APPL2: variants seen among roughly 807,000 people sequenced by gnomAD.
The protein encoded by APPL2 is DCC-interacting protein 13-beta.
APPL2 carries 84 observed loss-of-function variants against 92.7 expected under a neutral mutation model. The observed-to-expected ratio is 0.91, with a 90% CI of 0.76 to 1.09. The LOEUF (loss-of-function observed/expected upper bound fraction) is 1.09. APPL2 is among the 50% of genes least tolerant of loss of function. The pLI is 0.00. For missense variants in APPL2, 736 were observed against 824.5 expected (o/e 0.89, Z 1.31); for synonymous variants, 291 against 291.0 (o/e 1.00, Z 0.00).
At chr12:105,225,689 G>C (rs569548904) in intron 2 of APPL2, among the ~76,000 whole-genome samples, 3 of 152,180 alleles carry the variant, frequency 2.0e-5, no homozygotes, top group African/African-American at 2.4e-5. Flanking sequence ...ATTGCCAGAC[G>C]TGACTCCAGG....
At chr12:105,185,972 T>G (rs1374521756) in intron 17 of APPL2, among the ~76,000 whole-genome samples, 1 of 151,920 alleles carries the variant, frequency 6.6e-6, no homozygotes, top group East Asian at 1.9e-4. Flanking sequence ...CTAGTCTGTC[T>G]TCTGTCTCTA....
chr12:105,216,546 G>C (rs1299739789), intron 4 of APPL2, among the ~76,000 whole-genome samples: 1 of 152,092 alleles, frequency 6.6e-6, no homozygotes, highest in Non-Finnish European at 1.5e-5. Context: ...TGTATAAAAA[G>C]AGAAGACACA....
chr12:105,205,384 C>A (rs368753268), intron 8 of APPL2, among the ~76,000 whole-genome samples: 22 of 152,304 alleles, frequency 1.4e-4, no homozygotes, highest in Admixed American at 1.3e-3. Context: ...TGAATAATGA[C>A]GGTGTGCTCT....
intron 20 of APPL2, among the ~76,000 whole-genome samples, chr12:105,174,876 T>TTGGGGG: frequency 1.1e-5 from 1 of 89,022 alleles, no homozygotes; most frequent in Non-Finnish European, 2.3e-5. Flanking sequence ...TTTTTTTTGG[T>TTGGGGG]GGGGGGGGGG....
chr12:105,226,374 G>A (rs1389141769), intron 2 of APPL2, among the ~76,000 whole-genome samples: 1 of 152,224 alleles, frequency 6.6e-6, no homozygotes, highest in Non-Finnish European at 1.5e-5. Flanking sequence ...AGGAAACGCT[G>A]AGGCAGGAGG....
rs1312423629 is a variant in APPL2, at chr12:105,173,440, TG to T, written c.*873del. 1 of 152,620 alleles carries T rather than the reference TG, an allele frequency of 6.6e-6. No homozygotes were observed. Among genetic ancestry groups the T allele is most frequent in the Non-Finnish European group, 1.5e-5 (1 of 68,032 alleles). The allele number at this position is 152,620 out of a possible 1,614,324, so 9.5% of individuals were successfully genotyped here. ...AGGGAGGAGGGATGGGGGAGTGGGC[TG>T]GGGTTCCAGGAATTGGAAGTATCAG... is the stretch of plus-strand genomic sequence containing the variant. On this transcript the variant is annotated 3_prime_UTR_variant, in exon 21 of 21. Coordinates refer to ENST00000258530, the MANE Select transcript of APPL2 (RefSeq NM_018171.5).
rs750036394 is a variant in APPL2 at position 105,176,092 on chromosome 12, A to G, written c.1813-10T>C. ...TAATAGCATAACATATCTGCAAAAG[A>G]CAAGAAAAGTAGTGATTGGCAAAAG... On this transcript the variant is annotated splice_polypyrimidine_tract_variant and intron_variant, in intron 19 of 20. Coordinates refer to ENST00000258530, the MANE Select transcript of APPL2 (RefSeq NM_018171.5). The G allele has an allele frequency of 1.4e-5, 22 of 1,592,700 alleles. 1 individual carries two copies. In the South Asian group the frequency reaches 2.3e-4, roughly 17 times the overall value.
chr12:105,192,005 A>C (rs1887243029), intron 14 of APPL2, among the ~76,000 whole-genome samples: 1 of 152,090 alleles, frequency 6.6e-6, no homozygotes, highest in Non-Finnish European at 1.5e-5. Flanking sequence ...TTTGCACTCC[A>C]GACCTGTATC....
At chr12:105,209,819 G>A (rs1889061356) in intron 5 of APPL2, among the ~76,000 whole-genome samples, 1 of 152,152 alleles carries the variant, frequency 6.6e-6, no homozygotes, top group Non-Finnish European at 1.5e-5. Flanking sequence ...CAAGCAAATG[G>A]AGGCATTACT....
chr12:105,189,991 C>A lies in APPL2; in HGVS notation c.1406G>T (p.Arg469Met). 1 of 1,614,030 alleles carries A rather than the reference C, an allele frequency of 6.2e-7. No individual in the cohort carries two copies. Among genetic ancestry groups the A allele is most frequent in the Non-Finnish European group, 8.5e-7 (1 of 1,179,966 alleles). Residue 469 changes from arginine to methionine, a missense_variant and splice_region_variant, in exon 15 of 21, where the codon AGG (arginine) becomes ATG (methionine). Arg to Met is a moderately conservative substitution (Grantham distance 91, BLOSUM62 -1). Coordinates refer to ENST00000258530, the MANE Select transcript of APPL2 (RefSeq NM_018171.5). ...TEFLDQNRGS[R>M]RTNPFGETED... ...AGAGATAACCTCTCTCAGCCCATAC[C>A]TGCTCCCTCTGTTCTGATCAAGGAA...
rs1301288558 is a variant in APPL2, at chr12:105,173,439, C to A, written c.*875G>T. 1 of 152,586 alleles carries A rather than the reference C, an allele frequency of 6.6e-6. No individual in the cohort carries two copies. Among genetic ancestry groups the A allele is most frequent in the Non-Finnish European group, 1.5e-5 (1 of 68,034 alleles). 9.5% of individuals were successfully genotyped at this position (152,586 alleles called of 1,614,324 possible). ...TAGGGAGGAGGGATGGGGGAGTGGG[C>A]TGGGGTTCCAGGAATTGGAAGTATC... On this transcript the variant is annotated 3_prime_UTR_variant, in exon 21 of 21. Transcript: ENST00000258530.
At chr12:105,215,312 G>A (rs1425920330) in intron 4 of APPL2, among the ~76,000 whole-genome samples, 1 of 152,136 alleles carries the variant, frequency 6.6e-6, no homozygotes, top group African/African-American at 2.4e-5. Flanking sequence ...TTAAATTGTA[G>A]GACAGCCAGT....
Position 105,206,404 on chromosome 12 carries a change from G to A in APPL2, c.621+657C>T, listed in dbSNP as rs1044441094. ...AGACAACGTGAGTGGGGCAAACGCA[G>A]GATGGGGTGGAAAGTGAGGGGGTGG... On this transcript the variant is annotated intron_variant, in intron 8 of 20. Transcript: ENST00000258530. Among the ~76,000 whole-genome samples the A allele has an allele frequency of 2.0e-5, 3 of 152,174 alleles. No individual in the cohort carries two copies. The East Asian group carries it at 5.8e-4, about 29-fold the overall frequency.
chr12:105,186,980 T>G (rs1886790632), intron 17 of APPL2, among the ~76,000 whole-genome samples: 1 of 152,142 alleles, frequency 6.6e-6, no homozygotes, highest in Non-Finnish European at 1.5e-5. Flanking sequence ...TTTTGTGTAC[T>G]ACATCCATAT....
intron 2 of APPL2, among the ~76,000 whole-genome samples, chr12:105,226,806 T>G (rs967433159): frequency 2.0e-5 from 3 of 152,182 alleles, no homozygotes; most frequent in African/African-American, 7.2e-5. Context: ...CTGAATGTCT[T>G]AACAAAACAC....
Position 105,208,143 on chromosome 12 carries a change from G to T in APPL2, c.415+15C>A. On this transcript the variant is annotated intron_variant, in intron 6 of 20. Coordinates refer to ENST00000258530, the MANE Select transcript of APPL2 (RefSeq NM_018171.5). ...GCCCACACACCCACACACCAGGAAT[G>T]GAGAAGGTGCCTACCATTGCTAGCG... The T allele has an allele frequency of 3.1e-6, 5 of 1,614,202 alleles. No homozygotes were observed. Among genetic ancestry groups the T allele is most frequent in the Non-Finnish European group, 4.2e-6 (5 of 1,180,024 alleles).
chr12:105,199,642 G>A, intron 9 of APPL2, 111 bp from the exon 10 acceptor site: 1 of 1,189,438 alleles, frequency 8.4e-7, no homozygotes, highest in Non-Finnish European at 1.2e-6. Context: ...CCTTACAGAT[G>A]GAGCTGCCAG....
At chr12:105,226,629 T>G (rs1194690727) in intron 2 of APPL2, among the ~76,000 whole-genome samples, 1 of 152,244 alleles carries the variant, frequency 6.6e-6, no homozygotes, top group Non-Finnish European at 1.5e-5. Flanking sequence ...TCTTGGGTTT[T>G]TAAGCCTTAA....
In APPL2 at chr12:105,190,020, T is replaced by G. The variant is rs769870095; in HGVS notation, c.1377A>C (p.Thr459=). ...TCCCTCTGTTCTGATCAAGGAATTC[T>G]GTAGCAGGAAGCACAATATCGAATT... ...PIQFDIVLPA[T]EFLDQNRGSR... is the part of the protein sequence containing the mutation. Residue 459 remains threonine, a synonymous_variant, in exon 15 of 21, where the codon ACA becomes ACC. Coordinates refer to ENST00000258530, the MANE Select transcript of APPL2 (RefSeq NM_018171.5). The G allele has an allele frequency of 6.2e-7, 1 of 1,614,232 alleles. No homozygotes were observed. Among genetic ancestry groups the G allele is most frequent in the South Asian group, 1.1e-5 (1 of 91,084 alleles).
Sources: allele counts gnomAD v4.1 joint callset (sites outside exome capture counted in the v4.1 genomes callset), GRCh38; gene constraint gnomAD v4.1.1; transcripts MANE v1.5; gene names NCBI Gene and HGNC (gene_info 2026-07-23, HGNC 2026-07-21).